Variants in IFI30 observed in about 807,000 individuals in gnomAD.
IFI30 encodes the protein IFI30 lysosomal thiol reductase, also known as gamma-interferon-inducible lysosomal thiol reductase.
Under a neutral mutation model 30.1 loss-of-function variants are expected in IFI30, and 26 were observed. That is an observed-to-expected ratio of 0.87 (90% CI 0.63 to 1.20). The LOEUF (loss-of-function observed/expected upper bound fraction) is 1.20. Ranked by LOEUF, IFI30 falls within the 50% of genes most tolerant of loss-of-function variation. IFI30 has a pLI of 0.00. For synonymous variants in IFI30, 149 were observed against 134.5 expected (o/e 1.11, Z -0.75); for missense variants, 296 against 312.5 (o/e 0.95, Z 0.40).
Position 18,177,947 on chromosome 19 carries a change from G to C in IFI30, c.*36G>C, listed in dbSNP as rs1217766331. 1.3e-6 allele frequency: 2 copies of C among 1,558,332 alleles called. No individual in the cohort carries two copies. The highest frequency in any genetic ancestry group is 1.9e-5 in the Admixed American group (1 of 52,024). ...GCTGCGGAGAGCTCATGGAAGGCGA[G>C]TGGGAACCCGGCTGCCTGCCTTTTT... On this transcript the variant is annotated 3_prime_UTR_variant, in exon 7 of 7. Transcript: ENST00000407280.
At chr19:18,175,284 G>T (rs1247436170) in intron 2 of IFI30, 27 bp from the exon 3 acceptor site, 1 of 1,577,952 alleles carries the variant, frequency 6.3e-7, no homozygotes, top group Admixed American at 1.9e-5. Context: ...CAGCCTACCA[G>T]CAGGCTCTCA....
In IFI30 at chr19:18,175,223, G is replaced by T; in HGVS notation, c.315+1G>T. 1 of 1,579,936 alleles carries T rather than the reference G, an allele frequency of 6.3e-7. No individual in the cohort carries two copies. Among genetic ancestry groups the T allele is most frequent in the East Asian group, 2.3e-5 (1 of 42,928 alleles). Reference sequence around the variant, plus strand: ...GCTGGTGCCCTACGGAAACGCACAGGTGTGTGGGCGCTGGGGAAACTGAGG... The same window carrying T: ...GCTGGTGCCCTACGGAAACGCACAGTTGTGTGGGCGCTGGGGAAACTGAGG... On this transcript the variant is annotated splice_donor_variant, in intron 2 of 6. Coordinates refer to ENST00000407280, the MANE Select transcript of IFI30 (RefSeq NM_006332.5). LOFTEE classifies it high-confidence loss of function.
intron 1 of IFI30, 127 bp downstream of exon 1, chr19:18,174,100 G>C: frequency 1.1e-6 from 1 of 938,318 alleles, no homozygotes; most frequent in Non-Finnish European, 1.5e-6. Context: ...TCCCTGCCGG[G>C]TTCCTGGAAA....
At chr19:18,174,082 G>A in intron 1 of IFI30, 109 bp downstream of exon 1, 1 of 1,073,940 alleles carries the variant, frequency 9.3e-7, no homozygotes, top group Non-Finnish European at 1.3e-6. Context: ...GGCCCCGAGG[G>A]GACGCTGTCC....
At chr19:18,176,918 A>C (rs903434959) in intron 4 of IFI30, among the ~76,000 whole-genome samples, 1 of 152,124 alleles carries the variant, frequency 6.6e-6, no homozygotes, top group Non-Finnish European at 1.5e-5. Flanking sequence ...TTAGGGATGA[A>C]ACCAAGGGAG....
In IFI30 at chr19:18,175,103, C is replaced by T. The variant is rs1967250705; in HGVS notation, c.196C>T (p.Leu66Phe). ...CAATGCACCGCTTGTCAATGTGACCCTCTACTATGAAGCACTGTGCGGTGG... is the reference window on the plus strand; with the variant it reads ...CAATGCACCGCTTGTCAATGTGACCTTCTACTATGAAGCACTGTGCGGTGG... The part of the protein sequence containing the change: ...KSNAPLVNVT[L>F]YYEALCGGCR... Residue 66 changes from leucine to phenylalanine, a missense_variant, in exon 2 of 7, where the codon CTC (leucine) becomes TTC (phenylalanine). Physicochemically the swap from Leu to Phe is conservative, Grantham distance 22 (BLOSUM62 0). Transcript: ENST00000407280. The T allele has an allele frequency of 1.2e-6, 2 of 1,613,594 alleles. No individual in the cohort carries two copies. The highest frequency in any genetic ancestry group is 1.7e-6 in the Non-Finnish European group (2 of 1,179,782).
At chr19:18,177,646 G>A (rs1205830185) in intron 5 of IFI30, 65 bp from the exon 6 acceptor site, 3 of 1,580,302 alleles carry the variant, frequency 1.9e-6, no homozygotes, top group Middle Eastern at 1.7e-4. Flanking sequence ...TTTCTGGGCT[G>A]GAACCAGGGT....
chr19:18,175,496 A>C, intron 3 of IFI30, 109 bp from the exon 4 acceptor site: 1 of 1,384,910 alleles, frequency 7.2e-7, no homozygotes, highest in South Asian at 1.2e-5. Flanking sequence ...CCATTTAATC[A>C]CATCTTTATT....
rs1254471517 is a variant in IFI30 at position 18,177,835 on chromosome 19, G to T, written c.691-14G>T. ...TCTCCTTCCAGGACCCCAACTCATGGCCTTCACCTCCAGGGCAAGAAGCCG... is the reference window on the plus strand; with the variant it reads ...TCTCCTTCCAGGACCCCAACTCATGTCCTTCACCTCCAGGGCAAGAAGCCG... On this transcript the variant is annotated splice_polypyrimidine_tract_variant and intron_variant, in intron 6 of 6. Transcript: ENST00000407280. 1.2e-6 allele frequency: 2 copies of T among 1,605,052 alleles called. No homozygotes were observed. The highest frequency in any genetic ancestry group is 2.7e-5 in the African/African-American group (2 of 74,822).
chr19:18,174,941 G>C (rs2241090), intron 1 of IFI30, 99 bp from the exon 2 acceptor site: 205,919 of 915,138 alleles, frequency 0.23, 24,178 homozygotes, highest in African/African-American at 0.29. Context: ...GATGAATTGC[G>C]TATCACAGCC....
chr19:18,174,050 A>T, intron 1 of IFI30, 77 bp downstream of exon 1: 3 of 1,375,700 alleles, frequency 2.2e-6, no homozygotes, highest in Non-Finnish European at 3.0e-6. Flanking sequence ...CTTTCTCCCC[A>T]GACTTCACAG....
intron 4 of IFI30, among the ~76,000 whole-genome samples, chr19:18,176,238 A>G (rs941137447): frequency 7.5e-6 from 1 of 133,772 alleles, no homozygotes; most frequent in African/African-American, 2.9e-5. Flanking sequence ...GACTGCAACC[A>G]CTGTCTCCTC....
In IFI30 at chr19:18,177,730, C is replaced by G. The variant is rs61730355; in HGVS notation, c.656C>G (p.Thr219Ser). Residue 219 changes from threonine to serine, a missense_variant, in exon 6 of 7, where the codon ACC becomes AGC. Thr to Ser is a moderately conservative substitution (Grantham distance 58, BLOSUM62 1). Coordinates refer to ENST00000407280, the MANE Select transcript of IFI30 (RefSeq NM_006332.5). ...TVNGKPLEDQ[T>S]QLLTLVCQLY... Reference sequence around the variant, plus strand: ...GTGCAGAAACCCTTGGAAGATCAGACCCAGCTCCTTACCCTTGTCTGCCAG... The same window carrying G: ...GTGCAGAAACCCTTGGAAGATCAGAGCCAGCTCCTTACCCTTGTCTGCCAG... 103 of 1,613,682 alleles carry G rather than the reference C, an allele frequency of 6.4e-5. No homozygotes were observed. The African/African-American group carries it at 1.2e-3, about 18-fold the overall frequency.
chr19:18,175,081 T>C lies in IFI30; in HGVS notation c.174T>C (p.Asn58=), dbSNP rs1215907377. 1 of 1,613,804 alleles carries C rather than the reference T, an allele frequency of 6.2e-7. No individual in the cohort carries two copies. The highest frequency in any genetic ancestry group is 1.7e-5 in the Admixed American group (1 of 59,986). The change falls in exon 2 of 7, where the codon AAT becomes AAC. Residue 58 remains asparagine, a synonymous_variant. Coordinates refer to ENST00000407280, the MANE Select transcript of IFI30 (RefSeq NM_006332.5). ...TGCGGGGGCCCCTGAAGAAGTCCAATGCACCGCTTGTCAATGTGACCCTCT... is the reference window on the plus strand; with the variant it reads ...TGCGGGGGCCCCTGAAGAAGTCCAACGCACCGCTTGTCAATGTGACCCTCT... ...LYLRGPLKKS[N]APLVNVTLYY...
At chr19:18,177,600 G>A in intron 5 of IFI30, 111 bp from the exon 6 acceptor site, 1 of 1,262,178 alleles carries the variant, frequency 7.9e-7, no homozygotes, top group Non-Finnish European at 1.1e-6. Flanking sequence ...TTGCGAGGCG[G>A]GAGGCGGGGG....
chr19:18,177,585 C>T, intron 5 of IFI30, 126 bp from the exon 6 acceptor site: 1 of 1,115,222 alleles, frequency 9.0e-7, no homozygotes, highest in Non-Finnish European at 1.3e-6. Context: ...AGATGTGCCA[C>T]TGATTTGCGA....
rs779251965 is a variant in IFI30, at chr19:18,175,087, G to A, written c.180G>A (p.Pro60=). ...GGCCCCTGAAGAAGTCCAATGCACC[G>A]CTTGTCAATGTGACCCTCTACTATG... The part of the protein sequence containing the change: ...LRGPLKKSNA[P]LVNVTLYYEA... The change falls in exon 2 of 7, where the codon CCG becomes CCA. Residue 60 remains proline, a synonymous_variant. Coordinates refer to ENST00000407280, the MANE Select transcript of IFI30 (RefSeq NM_006332.5). 15 of 1,613,672 alleles carry A rather than the reference G, an allele frequency of 9.3e-6. No individual in the cohort carries two copies. Among genetic ancestry groups the A allele is most frequent in the African/African-American group, 5.3e-5 (4 of 74,904 alleles).
chr19:18,177,565 C>A, intron 5 of IFI30, 146 bp from the exon 6 acceptor site: 1 of 961,504 alleles, frequency 1.0e-6, no homozygotes, highest in Admixed American at 2.0e-5. Flanking sequence ...CTAGCCACCC[C>A]CATTGGGAAA....
At position 18,178,031 on chromosome 19, in the gene IFI30, T is replaced by C. The variant is rs1273507278; in HGVS notation, c.*120T>C. ...CAACTGGAAAATTTTATGCATCCCA[T>C]GAAGCCCAGATACACAAAATTCCAC... On this transcript the variant is annotated 3_prime_UTR_variant, in exon 7 of 7. Transcript: ENST00000407280. 2.1e-6 allele frequency: 2 copies of C among 950,816 alleles called. No homozygotes were observed. Among genetic ancestry groups the C allele is most frequent in the Non-Finnish European group, 3.3e-6 (2 of 609,670 alleles). 58.9% of individuals were successfully genotyped at this position (950,816 alleles called of 1,614,324 possible). A position where few individuals can be genotyped will look rare whatever the true frequency, so the allele number is the denominator to read the frequency against.
Sources: gnomAD v4.1 joint callset for allele counts (sites outside exome capture counted in the v4.1 genomes callset) on GRCh38, gnomAD v4.1.1 for gene constraint, MANE v1.5 for transcripts, NCBI Gene and HGNC (gene_info 2026-07-23, HGNC 2026-07-21) for gene names.